SLC24A3: variants seen among roughly 807,000 people sequenced by gnomAD.
SLC24A3 encodes the protein sodium/potassium/calcium exchanger 3.
Under a neutral mutation model 75.8 loss-of-function variants are expected in SLC24A3, and 28 were observed. The observed-to-expected ratio is 0.37, with a 90% CI of 0.27 to 0.51. SLC24A3 has a LOEUF of 0.51. Among genes scored for constraint, SLC24A3 ranks in the 20% least tolerant of loss-of-function variants. The pLI, the probability that SLC24A3 is intolerant of heterozygous loss-of-function variation, is 0.94. For synonymous variants in SLC24A3, 372 were observed against 334.1 expected (o/e 1.11, Z -1.24); for missense variants, 663 against 847.8 (o/e 0.78, Z 2.71).
chr20:19,415,666 A>T (rs1986815298), intron 2 of SLC24A3, among the ~76,000 whole-genome samples: 1 of 151,950 alleles, frequency 6.6e-6, no homozygotes, highest in Non-Finnish European at 1.5e-5. Context: ...AACTGAATCT[A>T]GGTCCCTGGT....
intron 2 of SLC24A3, among the ~76,000 whole-genome samples, chr20:19,340,540 G>A (rs187746283): frequency 1.2e-4 from 19 of 152,276 alleles, no homozygotes; most frequent in African/African-American, 3.8e-4. Flanking sequence ...GATAAAAGGC[G>A]TGGATCTTCT....
chr20:19,595,304 C>T (rs1474403249), intron 6 of SLC24A3, among the ~76,000 whole-genome samples: 18 of 152,206 alleles, frequency 1.2e-4, no homozygotes, highest in Admixed American at 1.2e-3. Context: ...GCATCTGCAG[C>T]ACCAACAGTA....
chr20:19,484,830 T>G (rs1304248128), intron 2 of SLC24A3, among the ~76,000 whole-genome samples: 2 of 152,216 alleles, frequency 1.3e-5, no homozygotes, highest in Non-Finnish European at 2.9e-5. Flanking sequence ...ATGAAAAATT[T>G]TGTGCTGTGT....
intron 2 of SLC24A3, among the ~76,000 whole-genome samples, chr20:19,422,662 A>C (rs1189144404): frequency 6.6e-6 from 1 of 152,242 alleles, no homozygotes; most frequent in Non-Finnish European, 1.5e-5. Flanking sequence ...GTCTGCAGTG[A>C]GTCCTGGCAG....
At chr20:19,337,688 C>T (rs558661801) in intron 2 of SLC24A3, among the ~76,000 whole-genome samples, 5 of 152,224 alleles carry the variant, frequency 3.3e-5, no homozygotes, top group Admixed American at 6.5e-5. Flanking sequence ...TCGTTTCTAA[C>T]GCTAAGCATT....
At chr20:19,514,547 G>C (rs547358815) in intron 2 of SLC24A3, among the ~76,000 whole-genome samples, 80 of 152,298 alleles carry the variant, frequency 5.3e-4, no homozygotes, top group Admixed American at 6.5e-4. Flanking sequence ...GGGGTGGTGT[G>C]TGCTGCTTCC....
intron 2 of SLC24A3, among the ~76,000 whole-genome samples, chr20:19,407,824 C>A (rs546920665): frequency 6.6e-6 from 1 of 152,350 alleles, no homozygotes; most frequent in South Asian, 2.1e-4. Context: ...CATGAAACCG[C>A]CACAGAAGAA....
chr20:19,254,108 T>A (rs1982740569), intron 1 of SLC24A3, among the ~76,000 whole-genome samples: 1 of 152,236 alleles, frequency 6.6e-6, no homozygotes, highest in Admixed American at 6.5e-5. Flanking sequence ...GGATTTTTTA[T>A]GACATTGTAT....
intron 3 of SLC24A3, among the ~76,000 whole-genome samples, chr20:19,576,498 C>T (rs2031136871): frequency 6.6e-6 from 1 of 152,170 alleles, no homozygotes. Context: ...AGGAAGGGCT[C>T]TGCAGCTGGA....
chr20:19,632,865 G>T lies in SLC24A3; in HGVS notation c.613-21197G>T, dbSNP rs185084977. Among the ~76,000 whole-genome samples the T allele has an allele frequency of 2.2e-3, 332 of 152,352 alleles. 1 individual carries two copies. Among genetic ancestry groups the T allele is most frequent in the Non-Finnish European group, 3.7e-3 (254 of 68,038 alleles). The stretch of plus-strand genomic sequence containing the variant: ...GGTCCTCCAACTCTTAGGGCTGTTT[G>T]AATTCAAGAACTGGACCATGTAGAC... On this transcript the variant is annotated intron_variant, in intron 6 of 16. Transcript: ENST00000328041.
intron 2 of SLC24A3, among the ~76,000 whole-genome samples, chr20:19,394,970 T>C (rs1321203884): frequency 6.6e-6 from 1 of 152,204 alleles, no homozygotes; most frequent in East Asian, 1.9e-4. Context: ...GCAACCCAAA[T>C]GTCTAATGAT....
intron 15 of SLC24A3, among the ~76,000 whole-genome samples, chr20:19,711,342 A>G (rs1168869391): frequency 6.6e-6 from 1 of 151,574 alleles, no homozygotes; most frequent in Non-Finnish European, 1.5e-5. Flanking sequence ...CACACGTGCA[A>G]ACATACCACA....
At position 19,256,665 on chromosome 20, in the gene SLC24A3, C is replaced by T. The variant is rs148776406; in HGVS notation, c.143-24294C>T. 2.5e-4 allele frequency among the ~76,000 whole-genome samples: 37 copies of T among 149,642 alleles called. No individual in the cohort carries two copies. In the East Asian group the frequency reaches 6.8e-3, roughly 27 times the overall value. On this transcript the variant is annotated intron_variant, in intron 1 of 16. Transcript: ENST00000328041. ...ACGCTTGTAGTCCCAGCTACTTAGGCGGCTGAGGCATGAGAATCACTTGAA... is the reference window on the plus strand; with the variant it reads ...ACGCTTGTAGTCCCAGCTACTTAGGTGGCTGAGGCATGAGAATCACTTGAA...
intron 9 of SLC24A3, among the ~76,000 whole-genome samples, chr20:19,677,467 A>G (rs1264976210): frequency 1.3e-5 from 2 of 152,088 alleles, no homozygotes; most frequent in Non-Finnish European, 2.9e-5. Flanking sequence ...TTTTGAATAT[A>G]TACAGGAGTC....
At chr20:19,302,753 G>A (rs1202963849) in intron 2 of SLC24A3, among the ~76,000 whole-genome samples, 1 of 152,058 alleles carries the variant, frequency 6.6e-6, no homozygotes, top group Non-Finnish European at 1.5e-5. Flanking sequence ...ATGTATTTTT[G>A]AGATCTATGT....
chr20:19,419,595 G>A lies in SLC24A3; in HGVS notation c.272-95893G>A, dbSNP rs566780271. ...TCCATCTGTCATGTGGACCGTCTCT[G>A]CAGTCCCTCAGGCAGATCCTGAGGG... On this transcript the variant is annotated intron_variant, in intron 2 of 16. Transcript: ENST00000328041. 4.6e-5 allele frequency among the ~76,000 whole-genome samples: 7 copies of A among 152,236 alleles called. No individual in the cohort carries two copies. The South Asian group carries it at 1.2e-3, about 27-fold the overall frequency.
intron 2 of SLC24A3, among the ~76,000 whole-genome samples, chr20:19,352,578 GA>G (rs1985595783): frequency 1.3e-5 from 2 of 152,268 alleles, no homozygotes; most frequent in East Asian, 3.9e-4. Flanking sequence ...AGGGATTCAG[GA>G]ACTTCCTAAG....
intron 6 of SLC24A3, among the ~76,000 whole-genome samples, chr20:19,646,477 T>C (rs1210027902): frequency 6.6e-6 from 1 of 152,156 alleles, no homozygotes; most frequent in Non-Finnish European, 1.5e-5. Context: ...CAACCCCACA[T>C]TGTGATGGAG....
chr20:19,460,272 T>C (rs760825165), intron 2 of SLC24A3, among the ~76,000 whole-genome samples: 15 of 152,056 alleles, frequency 9.9e-5, no homozygotes, highest in Non-Finnish European at 1.9e-4. Flanking sequence ...GGTCCAGGGA[T>C]TTGAAGTCTG....
Sources: gnomAD v4.1 joint callset for allele counts (sites outside exome capture counted in the v4.1 genomes callset) on GRCh38, gnomAD v4.1.1 for gene constraint, MANE v1.5 for transcripts, NCBI Gene and HGNC (gene_info 2026-07-23, HGNC 2026-07-21) for gene names.